Variants in UNC13C observed in about 807,000 individuals in gnomAD.
The protein encoded by UNC13C is protein unc-13 homolog C.
UNC13C carries 174 observed loss-of-function variants against 245.4 expected under a neutral mutation model. That is an observed-to-expected ratio of 0.71 (90% CI 0.63 to 0.80). The LOEUF is 0.80. Ranked by LOEUF, UNC13C falls within the 30% of genes least tolerant of loss-of-function variation. The pLI, the probability that UNC13C is intolerant of heterozygous loss-of-function variation, is 0.00. For synonymous variants in UNC13C, 992 were observed against 895.1 expected (o/e 1.11, Z -1.93); for missense variants, 2,829 against 2,602.9 (o/e 1.09, Z -1.89).
At chr15:54,098,453 G>T (rs1197605911) in intron 2 of UNC13C, among the ~76,000 whole-genome samples, 1 of 152,166 alleles carries the variant, frequency 6.6e-6, no homozygotes, top group Non-Finnish European at 1.5e-5. Context: ...GGGATTATAG[G>T]CGTGAGCTAC....
At chr15:54,320,923 C>T (rs979639004) in intron 13 of UNC13C, 2 of 353,568 alleles carry the variant, frequency 5.7e-6, no homozygotes, top group East Asian at 7.5e-5. Context: ...CCACTACTTC[C>T]GAAACTGCTT....
chr15:53,886,554 C>T, the UNC13C span, among the ~76,000 whole-genome samples: 5 of 152,018 alleles, frequency 3.3e-5, no homozygotes, highest in South Asian at 2.1e-4. Flanking sequence ...AAAAATCTCC[C>T]GCACAGAGGA....
chr15:54,610,771 C>T (rs561554750), intron 30 of UNC13C, among the ~76,000 whole-genome samples: 3 of 152,252 alleles, frequency 2.0e-5, no homozygotes, highest in Non-Finnish European at 2.9e-5. Flanking sequence ...TGATACTTAG[C>T]GAAGCCTGGA....
At chr15:54,252,301 T>C (rs2140869493) in intron 8 of UNC13C, among the ~76,000 whole-genome samples, 1 of 152,340 alleles carries the variant, frequency 6.6e-6, no homozygotes, top group Admixed American at 6.5e-5. Context: ...AGAAACATGT[T>C]CATAATCTAT....
rs757402749 is a variant in UNC13C at position 54,555,531 on chromosome 15, T to A, written c.5958+19T>A. ...CATCAAGGTGAGATTATAATGCTCC[T>A]ATATATACATCGAGAGAGGCCCCCA... On this transcript the variant is annotated intron_variant, in intron 29 of 32. Transcript: ENST00000260323. The A allele has an allele frequency of 2.5e-6, 4 of 1,589,638 alleles. No individual in the cohort carries two copies. The Admixed American group carries it at 6.8e-5, about 27-fold the overall frequency.
intron 2 of UNC13C, among the ~76,000 whole-genome samples, chr15:54,054,809 T>C (rs1423530236): frequency 6.8e-6 from 1 of 147,702 alleles, no homozygotes; most frequent in African/African-American, 2.4e-5. Context: ...TTTTTGTTTT[T>C]ATTTTTTTTT....
At chr15:54,073,905 A>G (rs1898458824) in intron 2 of UNC13C, among the ~76,000 whole-genome samples, 1 of 151,854 alleles carries the variant, frequency 6.6e-6, no homozygotes, top group South Asian at 2.1e-4. Context: ...TGTCAATTTT[A>G]GCTTTTGTTG....
At chr15:54,149,982 G>T (rs996284787) in intron 4 of UNC13C, among the ~76,000 whole-genome samples, 3 of 152,176 alleles carry the variant, frequency 2.0e-5, no homozygotes, top group African/African-American at 7.2e-5. Flanking sequence ...TTGAGTATCT[G>T]CAGATTTTGG....
At chr15:54,127,817 T>A (rs1016228824) in intron 2 of UNC13C, among the ~76,000 whole-genome samples, 2 of 147,710 alleles carry the variant, frequency 1.4e-5, no homozygotes, top group African/African-American at 2.5e-5. Flanking sequence ...ATATATATAT[T>A]TTTAAAAGCT....
At chr15:54,455,623 A>AT (rs1253153555) in intron 19 of UNC13C, among the ~76,000 whole-genome samples, 2 of 148,060 alleles carry the variant, frequency 1.4e-5, no homozygotes, top group African/African-American at 5.0e-5. Context: ...TAATTTGAGC[A>AT]TTTTTTCATG....
At chr15:54,058,301 A>T (rs1447307213) in intron 2 of UNC13C, among the ~76,000 whole-genome samples, 1 of 152,228 alleles carries the variant, frequency 6.6e-6, no homozygotes. Flanking sequence ...TCCCACAGAA[A>T]TACAAACTAC....
At chr15:53,907,277 A>G in the UNC13C span, among the ~76,000 whole-genome samples, 1 of 152,200 alleles carries the variant, frequency 6.6e-6, no homozygotes, top group Admixed American at 6.5e-5. Flanking sequence ...ATCAAGAGGT[A>G]TTAATATAGT....
chr15:53,892,811 A>C, the UNC13C span, among the ~76,000 whole-genome samples: 1 of 152,276 alleles, frequency 6.6e-6, no homozygotes, highest in Non-Finnish European at 1.5e-5. Context: ...GCATTGGATT[A>C]GAACATACTC....
At chr15:54,001,606 C>T (rs1208670873) in intron 1 of UNC13C, among the ~76,000 whole-genome samples, 1 of 152,008 alleles carries the variant, frequency 6.6e-6, no homozygotes, top group African/African-American at 2.4e-5. Flanking sequence ...AGATGGGAAT[C>T]GTATTATTTA....
At chr15:54,131,718 C>T (rs1296148300) in intron 2 of UNC13C, among the ~76,000 whole-genome samples, 1 of 152,126 alleles carries the variant, frequency 6.6e-6, no homozygotes, top group Admixed American at 6.6e-5. Flanking sequence ...TGGAACATAT[C>T]CCCGCAGGAA....
intron 17 of UNC13C, among the ~76,000 whole-genome samples, chr15:54,375,976 TA>T (rs2039598619): frequency 6.6e-6 from 1 of 152,236 alleles, no homozygotes; most frequent in Admixed American, 6.5e-5. Context: ...CCCCTTTTTT[TA>T]ATCACAATAT....
chr15:54,102,625 C>T (rs1474333894), intron 2 of UNC13C, among the ~76,000 whole-genome samples: 1 of 152,224 alleles, frequency 6.6e-6, no homozygotes, highest in East Asian at 1.9e-4. Flanking sequence ...TATGTAGCTA[C>T]TATTTTCTAC....
Position 54,014,204 on chromosome 15 carries a change from T to G in UNC13C, c.1301T>G (p.Leu434Trp), listed in dbSNP as rs769026860. Residue 434 changes from leucine to tryptophan, a missense_variant, in exon 2 of 33, where the codon TTG (leucine) becomes TGG (tryptophan). By Grantham distance (61) the Leu-to-Trp change is moderately conservative (BLOSUM62 -2). Coordinates refer to ENST00000260323, the MANE Select transcript of UNC13C (RefSeq NM_001080534.3). The part of the protein sequence containing the change: ...SQTYESMAIK[L>W]STPEPKIKKN... ...ACATATGAGAGCATGGCTATAAAGT[T>G]GTCTACTCCAGAGCCAAAAATCAAG... is the stretch of plus-strand genomic sequence containing the variant. 2.5e-6 allele frequency: 4 copies of G among 1,613,750 alleles called. No individual in the cohort carries two copies. In the South Asian group the frequency reaches 4.4e-5, roughly 18 times the overall value.
the UNC13C span, among the ~76,000 whole-genome samples, chr15:53,838,188 A>G: frequency 6.6e-6 from 1 of 152,074 alleles, no homozygotes; most frequent in Non-Finnish European, 1.5e-5. Flanking sequence ...AATATCTTTA[A>G]TGTTTGTCTA....
Sources: gnomAD v4.1 joint callset for allele counts (sites outside exome capture counted in the v4.1 genomes callset) on GRCh38, gnomAD v4.1.1 for gene constraint, MANE v1.5 for transcripts, NCBI Gene and HGNC (gene_info 2026-07-23, HGNC 2026-07-21) for gene names.